The following CLEC5A variants were observed in gnomAD, a reference collection of about 807,000 sequenced individuals.
CLEC5A encodes C-type lectin domain family 5 member A.
In CLEC5A, 15 loss-of-function variants were observed where a neutral mutation model predicts 24.4. The observed-to-expected ratio is 0.62, with a 90% confidence interval of 0.41 to 0.95. The LOEUF (loss-of-function observed/expected upper bound fraction) is 0.95. Ranked by LOEUF, CLEC5A falls within the 40% of genes least tolerant of loss-of-function variation. The pLI is 0.00. For missense variants in CLEC5A, 211 were observed against 224.0 expected, an observed-to-expected ratio of 0.94 and a Z score of 0.37; for synonymous variants, 71 against 72.6, an observed-to-expected ratio of 0.98 and a Z score of 0.11.
intron 3 of CLEC5A, among the ~76,000 whole-genome samples, chr7:141,944,904 C>G (rs566198789): frequency 6.6e-6 from 1 of 151,902 alleles, no homozygotes; most frequent in East Asian, 2.0e-4. Flanking sequence ...TATTGGGTTG[C>G]CTCTGTTGAT....
chr7:141,945,360 G>A lies in CLEC5A; in HGVS notation c.120C>T (p.Thr40=). ...GATTACCTGTTCCATAGCTCCTGGT[G>A]GTGGTGAAACCATCGTTACTTTTGT... is the stretch of plus-strand genomic sequence containing the variant. ...IFNKSNDGFT[T]TRSYGTVSQI... Residue 40 remains threonine, a synonymous_variant, in exon 3 of 7, where the codon ACC becomes ACT. Transcript: ENST00000546910. 3 of 1,612,418 alleles carry A rather than the reference G, an allele frequency of 1.9e-6. No homozygotes were observed. The highest frequency in any genetic ancestry group is 2.5e-6 in the Non-Finnish European group (3 of 1,178,562).
chr7:141,941,488 A>G (rs1802795736), intron 4 of CLEC5A, among the ~76,000 whole-genome samples: 1 of 152,136 alleles, frequency 6.6e-6, no homozygotes, highest in Non-Finnish European at 1.5e-5. Flanking sequence ...TGGGGAAAAA[A>G]TGAAAGCCTT....
intron 6 of CLEC5A, 186 bp downstream of exon 6, chr7:141,931,534 G>A (rs1233901275): frequency 1.8e-6 from 1 of 547,170 alleles, no homozygotes; most frequent in East Asian, 3.0e-5. Flanking sequence ...ATGAAAGTTT[G>A]ATCTCTTTCA....
rs782284877 is a variant in CLEC5A, at chr7:141,930,180, A to G, written c.491T>C (p.Ile164Thr). ...AGCATCAAATGTCTTTGTTAGGCCAATGGTCGCACAGTTGAAATTCTGATT... is the reference window on the plus strand; with the variant it reads ...AGCATCAAATGTCTTTGTTAGGCCAGTGGTCGCACAGTTGAAATTCTGATT... Reference protein sequence around the residue: ...NQNQNFNCATIGLTKTFDAAS... With the variant: ...NQNQNFNCATTGLTKTFDAAS... Residue 164 changes from isoleucine to threonine, a missense_variant, in exon 7 of 7, where the codon ATT becomes ACT. Physicochemically the swap from Ile to Thr is moderately conservative, Grantham distance 89. Transcript: ENST00000546910. The G allele has an allele frequency of 6.8e-6, 11 of 1,614,054 alleles. No individual in the cohort carries two copies. Among genetic ancestry groups the G allele is most frequent in the East Asian group, 4.5e-5 (2 of 44,894 alleles).
chr7:141,935,726 A>G (rs1250676222), intron 5 of CLEC5A, 88 bp downstream of exon 5: 1 of 1,118,504 alleles, frequency 8.9e-7, no homozygotes, highest in East Asian at 2.6e-5. Flanking sequence ...ACTCCATCCC[A>G]TCCCCACTCC....
At chr7:141,930,270 G>T in intron 6 of CLEC5A, 52 bp from the exon 7 acceptor site, 1 of 1,361,508 alleles carries the variant, frequency 7.3e-7, no homozygotes. Flanking sequence ...AACAAAGCAT[G>T]GTGATGGCCC....
chr7:141,946,106 T>G (rs781992698), intron 2 of CLEC5A, 108 bp downstream of exon 2: 242 of 1,241,310 alleles, frequency 1.9e-4, no homozygotes, highest in Non-Finnish European at 2.4e-4. Context: ...TAGTCTCAGG[T>G]GGAAAGACTT....
At chr7:141,944,040 G>C in intron 3 of CLEC5A, 76 bp from the exon 4 acceptor site, 1 of 848,152 alleles carries the variant, frequency 1.2e-6, no homozygotes, top group Non-Finnish European at 2.1e-6. Context: ...AGTATGGGCT[G>C]TGTGACTCTG....
intron 6 of CLEC5A, 181 bp downstream of exon 6, chr7:141,931,539 C>A (rs1802460674): frequency 9.1e-6 from 5 of 547,270 alleles, no homozygotes; most frequent in Middle Eastern, 2.7e-4. Flanking sequence ...AGTTTGATCT[C>A]TTTCATAAGA....
At chr7:141,945,212 T>C in intron 3 of CLEC5A, 129 bp downstream of exon 3, 1 of 783,162 alleles carries the variant, frequency 1.3e-6, no homozygotes. Flanking sequence ...AGGGAATTAA[T>C]TAGAAGATCT....
rs1802338226 is a variant in CLEC5A at position 141,927,656 on chromosome 7, A to G, written c.*2448T>C. On this transcript the variant is annotated 3_prime_UTR_variant, in exon 7 of 7. Transcript: ENST00000546910. ...GGCTGGGCCCACATTTGAGGTCATG[A>G]AAAGTGTGTCTTTGATCTCATGTGG... 6.6e-6 allele frequency: 1 copy of G among 152,254 alleles called. No individual in the cohort carries two copies. The highest frequency in any genetic ancestry group is 2.4e-5 in the African/African-American group (1 of 41,462). The allele number at this position is 152,254 out of a possible 1,614,324, so 9.4% of individuals were successfully genotyped here.
In CLEC5A at chr7:141,936,473, C is replaced by G. The variant is rs1226840169; in HGVS notation, c.209-523G>C. ...ACAGTGGAGGGCAAAACGGACCAAA[C>G]TCAGCTGATACCCACCCATGGAGGA... On this transcript the variant is annotated intron_variant, in intron 4 of 6. Transcript: ENST00000546910. 2.5e-5 allele frequency: 4 copies of G among 157,620 alleles called. No homozygotes were observed. In the East Asian group the frequency reaches 7.6e-4, roughly 30 times the overall value. The allele number at this position is 157,620 out of a possible 1,614,324, so 9.8% of individuals were successfully genotyped here. A position where few individuals can be genotyped will look rare whatever the true frequency, so the allele number is the denominator to read the frequency against.
At chr7:141,934,594 C>A (rs1802558679) in intron 5 of CLEC5A, among the ~76,000 whole-genome samples, 2 of 138,192 alleles carry the variant, frequency 1.4e-5, no homozygotes, top group Admixed American at 7.4e-5. Flanking sequence ...CCATGATGAC[C>A]TTTGTCTTTT....
chr7:141,946,617 G>A (rs1178696363), intron 1 of CLEC5A, among the ~76,000 whole-genome samples, 190 bp downstream of exon 1: 1 of 152,180 alleles, frequency 6.6e-6, no homozygotes, highest in East Asian at 1.9e-4. Flanking sequence ...CCTGTATTTT[G>A]AGAACCCTTA....
intron 5 of CLEC5A, 71 bp downstream of exon 5, chr7:141,935,743 T>C: frequency 6.8e-7 from 1 of 1,463,704 alleles, no homozygotes; most frequent in South Asian, 1.2e-5. Context: ...CTCCCCCAAG[T>C]TTCTACCCCA....
In CLEC5A at chr7:141,935,975, T is replaced by G. The variant is rs201087726; in HGVS notation, c.209-25A>C. 87 of 1,604,326 alleles carry G rather than the reference T, an allele frequency of 5.4e-5. 1 individual carries two copies. The East Asian group carries it at 1.9e-3, about 35-fold the overall frequency. ...ACTGAAGAGGTCCAAGAAAGGAGAG[T>G]ACGAGTTTACTGGTTTGGGTTATGA... On this transcript the variant is annotated intron_variant, in intron 4 of 6. Coordinates refer to ENST00000546910, the MANE Select transcript of CLEC5A (RefSeq NM_013252.3).
chr7:141,931,681 A>T, intron 6 of CLEC5A, 39 bp downstream of exon 6: 3 of 1,164,082 alleles, frequency 2.6e-6, no homozygotes. Flanking sequence ...CTTTTGAAGC[A>T]AACCAAGATC....
chr7:141,943,000 T>C (rs1201707200), intron 4 of CLEC5A, among the ~76,000 whole-genome samples: 1 of 152,108 alleles, frequency 6.6e-6, no homozygotes, highest in Non-Finnish European at 1.5e-5. Context: ...AGTACAGCTA[T>C]GGAGAAGAGT....
At chr7:141,936,520 C>T (rs572723457) in intron 4 of CLEC5A, among the ~76,000 whole-genome samples, 4 of 152,254 alleles carry the variant, frequency 2.6e-5, no homozygotes, top group Admixed American at 2.0e-4. Context: ...GAGCGCTAGC[C>T]GGAGGGGAAT....
Sources: allele counts gnomAD v4.1 joint callset (sites outside exome capture counted in the v4.1 genomes callset), GRCh38; gene constraint gnomAD v4.1.1; transcripts MANE v1.5; gene names NCBI Gene and HGNC (gene_info 2026-07-23, HGNC 2026-07-21).